DNAJC24: variants seen among roughly 807,000 people sequenced by gnomAD.
The protein encoded by DNAJC24 is dnaJ homolog subfamily C member 24.
In DNAJC24, 17 loss-of-function variants were observed where a neutral mutation model predicts 18.0. The observed-to-expected ratio is 0.94, with a 90% CI of 0.65 to 1.42. DNAJC24 has a LOEUF of 1.42. Ranked by LOEUF, DNAJC24 falls within the 40% of genes most tolerant of loss-of-function variation. The pLI, the probability that DNAJC24 is intolerant of heterozygous loss-of-function variation, is 0.00. For synonymous variants in DNAJC24, 55 were observed against 57.7 expected, an observed-to-expected ratio of 0.95 and a Z score of 0.21; for missense variants, 158 against 175.6, an observed-to-expected ratio of 0.90 and a Z score of 0.57.
chr11:31,389,620 A>G (rs918314139), intron 2 of DNAJC24, among the ~76,000 whole-genome samples: 11 of 152,222 alleles, frequency 7.2e-5, no homozygotes, highest in African/African-American at 2.7e-4. Flanking sequence ...GAAAATTAAC[A>G]AACATCAGAC....
At chr11:31,390,422 T>TAAAAAAAAAAAAAAAAAAAAAAAA (rs1952481229) in intron 2 of DNAJC24, among the ~76,000 whole-genome samples, 1 of 135,052 alleles carries the variant, frequency 7.4e-6, no homozygotes. Flanking sequence ...AAAAAAAAAT[T>TAAAAAAAAAAAAAAAAAAAAAAAA]AAAGGCCGGG....
At chr11:31,421,142 A>G (rs1952800003) in intron 3 of DNAJC24, among the ~76,000 whole-genome samples, 1 of 152,186 alleles carries the variant, frequency 6.6e-6, no homozygotes, top group Non-Finnish European at 1.5e-5. Context: ...CTATTTCTCA[A>G]TCTCTTATCA....
rs1491023402 is a variant in DNAJC24 at position 31,405,073 on chromosome 11, TTG to T, written c.112-9736_112-9735del. On this transcript the variant is annotated intron_variant, in intron 2 of 4. Coordinates refer to ENST00000465995, the MANE Select transcript of DNAJC24 (RefSeq NM_181706.5). Reference sequence around the variant, plus strand: ...AAAGCGGCATTAGGAATTCTTTTTTTTGTTTTTTTTTTTTTTGAGACAGAGTC... The same window carrying T: ...AAAGCGGCATTAGGAATTCTTTTTTTTTTTTTTTTTTTTTGAGACAGAGTC... Among the ~76,000 whole-genome samples, 53 of 126,790 alleles carry T rather than the reference TTG, an allele frequency of 4.2e-4. 4 individuals are homozygous for T. Among genetic ancestry groups the T allele is most frequent in the Admixed American group, 4.9e-4 (6 of 12,330 alleles). The allele number at this position is 126,790 out of a possible 152,430, so 83.2% of individuals were successfully genotyped here. A position where few individuals can be genotyped will look rare whatever the true frequency, so the allele number is the denominator to read the frequency against.
At chr11:31,426,625 G>GT (rs1342833687) in intron 4 of DNAJC24, 11 of 290,912 alleles carry the variant, frequency 3.8e-5, no homozygotes, top group South Asian at 2.3e-4. Context: ...TTTTTGTTGT[G>GT]TTTTTTTACT....
At chr11:31,420,997 C>G (rs1480840427) in intron 3 of DNAJC24, among the ~76,000 whole-genome samples, 2 of 152,146 alleles carry the variant, frequency 1.3e-5, no homozygotes, top group African/African-American at 4.8e-5. Flanking sequence ...CACAGTTATT[C>G]AAGTTCATAA....
chr11:31,378,836 T>C (rs1238831717), intron 2 of DNAJC24, among the ~76,000 whole-genome samples: 2 of 152,210 alleles, frequency 1.3e-5, no homozygotes, highest in African/African-American at 4.8e-5. Context: ...TGTGGTGTTG[T>C]GGAAACCTGA....
chr11:31,414,913 G>A lies in DNAJC24; in HGVS notation c.214G>A (p.Glu72Lys). The A allele has an allele frequency of 6.2e-7, 1 of 1,614,004 alleles. No individual in the cohort carries two copies. The highest frequency in any genetic ancestry group is 8.5e-7 in the Non-Finnish European group (1 of 1,179,972). ...IDQAWKILGN[E>K]ETKREYDLQR... ...TCAAGCATGGAAAATTCTAGGAAAT[G>A]AAGAGACAAAAAGAGAGTATGACCT... is the stretch of plus-strand genomic sequence containing the variant. The change falls in exon 3 of 5, where the codon GAA (glutamate) becomes AAA (lysine). Residue 72 changes from glutamate to lysine, a missense_variant. Physicochemically the swap from Glu to Lys is moderately conservative, Grantham distance 56. Coordinates refer to ENST00000465995, the MANE Select transcript of DNAJC24 (RefSeq NM_181706.5).
chr11:31,413,423 C>T (rs868628625), intron 2 of DNAJC24, among the ~76,000 whole-genome samples: 18 of 150,560 alleles, frequency 1.2e-4, no homozygotes, highest in African/African-American at 3.9e-4. Context: ...CTCTGCCTCC[C>T]GGGTTCACGC....
rs1952634953 is a variant in DNAJC24 at position 31,404,460 on chromosome 11, TAAG to T, written c.112-10349_112-10347del. On this transcript the variant is annotated intron_variant, in intron 2 of 4. Transcript: ENST00000465995. ...GCCTTGAATTTTCCTTGAGGGAACT[TAAG>T]ATTTTCCTTTATTTGCAAGCTGGGG... Among the ~76,000 whole-genome samples the T allele has an allele frequency of 2.0e-5, 3 of 152,298 alleles. No homozygotes were observed. The South Asian group carries it at 6.2e-4, about 32-fold the overall frequency.
intron 2 of DNAJC24, among the ~76,000 whole-genome samples, chr11:31,376,079 T>C (rs1952311388): frequency 6.6e-6 from 1 of 151,012 alleles, no homozygotes; most frequent in Non-Finnish European, 1.5e-5. Flanking sequence ...TCCCCCATAT[T>C]GTTCTCCTCA....
At chr11:31,389,719 A>C (rs1010456872) in intron 2 of DNAJC24, among the ~76,000 whole-genome samples, 6 of 152,242 alleles carry the variant, frequency 3.9e-5, no homozygotes, top group African/African-American at 1.4e-4. Context: ...TATTCTTCTC[A>C]TCAGCACATG....
Position 31,432,668 on chromosome 11 carries a change from AAC to A in DNAJC24, c.*2270_*2271del. ...CTGTCCCTTTTCTCTATGCCAGATAAACACTTTCTCCTTACTCATCAATCAAG... is the reference window on the plus strand; with the variant it reads ...CTGTCCCTTTTCTCTATGCCAGATAAACTTTCTCCTTACTCATCAATCAAG... On this transcript the variant is annotated 3_prime_UTR_variant, in exon 5 of 5. Coordinates refer to ENST00000465995, the MANE Select transcript of DNAJC24 (RefSeq NM_181706.5). 1.3e-6 allele frequency: 1 copy of A among 772,840 alleles called. No homozygotes were observed. The highest frequency in any genetic ancestry group is 2.5e-5 in the East Asian group (1 of 39,430). The allele number at this position is 772,840 out of a possible 1,614,324, so 47.9% of individuals were successfully genotyped here.
chr11:31,384,387 C>A (rs1040260673), intron 2 of DNAJC24, among the ~76,000 whole-genome samples: 1 of 152,170 alleles, frequency 6.6e-6, no homozygotes, highest in Non-Finnish European at 1.5e-5. Context: ...TTCTTGGAGG[C>A]AGGGATCCTG....
In DNAJC24 at chr11:31,423,060, A is replaced by G. The variant is rs1015971532; in HGVS notation, c.251-3227A>G. 2.0e-5 allele frequency among the ~76,000 whole-genome samples: 3 copies of G among 152,312 alleles called. No homozygotes were observed. In the South Asian group the frequency reaches 6.2e-4, roughly 32 times the overall value. On this transcript the variant is annotated intron_variant, in intron 3 of 4. Coordinates refer to ENST00000465995, the MANE Select transcript of DNAJC24 (RefSeq NM_181706.5). Reference sequence around the variant, plus strand: ...TGTTAGATTACCATCCTTTCAAAGAATATACACTTTCTTGAATTTCTTCTT... The same window carrying G: ...TGTTAGATTACCATCCTTTCAAAGAGTATACACTTTCTTGAATTTCTTCTT...
chr11:31,407,922 AT>A (rs1281385785), intron 2 of DNAJC24, among the ~76,000 whole-genome samples: 2 of 151,616 alleles, frequency 1.3e-5, no homozygotes, highest in East Asian at 1.9e-4. Flanking sequence ...AAAAAAAAAA[AT>A]AAACAGGTTA....
At chr11:31,388,928 G>A (rs775197286) in intron 2 of DNAJC24, among the ~76,000 whole-genome samples, 6 of 152,084 alleles carry the variant, frequency 3.9e-5, no homozygotes, top group Non-Finnish European at 8.8e-5. Context: ...TATGCAATCA[G>A]TGTTGTCATC....
At chr11:31,429,402 G>C (rs545662019) in intron 4 of DNAJC24, 1 of 326,748 alleles carries the variant, frequency 3.1e-6, no homozygotes, top group Non-Finnish European at 6.8e-6. Flanking sequence ...GAAATCATGA[G>C]TCCTTTGAGA....
chr11:31,405,207 T>C (rs1952645221), intron 2 of DNAJC24, among the ~76,000 whole-genome samples: 1 of 151,344 alleles, frequency 6.6e-6, no homozygotes, highest in African/African-American at 2.4e-5. Flanking sequence ...GTAGCTGAGA[T>C]TACAGGCACG....
chr11:31,428,523 A>G (rs1952887334), intron 4 of DNAJC24, among the ~76,000 whole-genome samples: 1 of 152,216 alleles, frequency 6.6e-6, no homozygotes, highest in Non-Finnish European at 1.5e-5. Flanking sequence ...AGATCCCTTT[A>G]GGATCATTTG....
Sources: allele counts gnomAD v4.1 joint callset (sites outside exome capture counted in the v4.1 genomes callset), GRCh38; gene constraint gnomAD v4.1.1; transcripts MANE v1.5; gene names NCBI Gene and HGNC (gene_info 2026-07-23, HGNC 2026-07-21).